The following CEP43 variants were observed in gnomAD, a reference collection of about 807,000 sequenced individuals.
CEP43 encodes FGFR1 oncogene partner.
Under a neutral mutation model 52.6 loss-of-function variants are expected in CEP43, and 36 were observed. The observed-to-expected ratio is 0.68, with a 90% CI of 0.52 to 0.90. CEP43 has a LOEUF of 0.90. Ranked by LOEUF, CEP43 falls within the 40% of genes least tolerant of loss-of-function variation. The pLI is 0.00. For missense variants in CEP43, 506 were observed against 472.8 expected, an observed-to-expected ratio of 1.07 and a Z score of -0.65; for synonymous variants, 192 against 172.4, an observed-to-expected ratio of 1.11 and a Z score of -0.89.
intron 10 of CEP43, among the ~76,000 whole-genome samples, chr6:167,027,013 C>A (rs9459845): frequency 6.6e-6 from 1 of 151,958 alleles, no homozygotes; most frequent in Non-Finnish European, 1.5e-5. Context: ...TGGTTAAGTA[C>A]ATGTATAAGA....
chr6:167,037,139 T>A lies in CEP43; in HGVS notation c.1126-2765T>A, dbSNP rs79796119. Among the ~76,000 whole-genome samples, 412 of 152,340 alleles carry A rather than the reference T, an allele frequency of 2.7e-3. 16 individuals are homozygous for A. The East Asian group carries it at 0.071, about 26-fold the overall frequency. ...TTATTAAATAGCCATTTATTTCTAG[T>A]TAGCTTTTGTTCATTCAGTTTTCTT... On this transcript the variant is annotated intron_variant, in intron 12 of 12. Coordinates refer to ENST00000366847, the MANE Select transcript of CEP43 (RefSeq NM_007045.4).
intron 5 of CEP43, among the ~76,000 whole-genome samples, chr6:167,004,663 C>G (rs1344934942): frequency 1.8e-5 from 1 of 56,670 alleles, no homozygotes; most frequent in Non-Finnish European, 3.7e-5. Flanking sequence ...GGAACAAATC[C>G]CAACTCCTCG....
intron 12 of CEP43, among the ~76,000 whole-genome samples, chr6:167,034,699 C>T (rs1209687435): frequency 6.6e-6 from 1 of 152,184 alleles, no homozygotes; most frequent in Non-Finnish European, 1.5e-5. Context: ...TACAATGCAA[C>T]CACACAATCT....
chr6:167,043,674 T>C lies in CEP43; in HGVS notation c.*3696T>C, dbSNP rs73033031. The C allele has an allele frequency of 0.02, 3,086 of 152,286 alleles. 52 individuals carry two copies. Among genetic ancestry groups the C allele is most frequent in the East Asian group, 0.091 (469 of 5,166 alleles). 9.4% of individuals were successfully genotyped at this position (152,286 alleles called of 1,614,324 possible). On this transcript the variant is annotated 3_prime_UTR_variant, in exon 13 of 13. Coordinates refer to ENST00000366847, the MANE Select transcript of CEP43 (RefSeq NM_007045.4). Reference sequence around the variant, plus strand: ...CTGGGAATACAGGTGTGAGTCACGGTGCCCGGCCTAGTCTTCCTGCTCTAG... The same window carrying C: ...CTGGGAATACAGGTGTGAGTCACGGCGCCCGGCCTAGTCTTCCTGCTCTAG...
At chr6:167,025,463 A>C (rs1336945690) in intron 9 of CEP43, among the ~76,000 whole-genome samples, 1 of 152,224 alleles carries the variant, frequency 6.6e-6, no homozygotes, top group Non-Finnish European at 1.5e-5. Context: ...AGCCCTGAAC[A>C]TGTAGGATGG....
chr6:167,032,248 C>T lies in CEP43; in HGVS notation c.989-355C>T, dbSNP rs116334890. On this transcript the variant is annotated intron_variant, in intron 10 of 12. Transcript: ENST00000366847. ...AACAAAACAATTAGCATGTTGAAAACGCTCAGTAGTTCATCTAGTACCTAG... is the reference window on the plus strand; with the variant it reads ...AACAAAACAATTAGCATGTTGAAAATGCTCAGTAGTTCATCTAGTACCTAG... 9.6e-4 allele frequency among the ~76,000 whole-genome samples: 146 copies of T among 152,264 alleles called. 1 individual carries two copies. Among genetic ancestry groups the T allele is most frequent in the African/African-American group, 3.1e-3 (128 of 41,542 alleles).
intron 6 of CEP43, among the ~76,000 whole-genome samples, 180 bp from the exon 7 acceptor site, chr6:167,013,328 G>C (rs1780024765): frequency 6.6e-6 from 1 of 152,104 alleles, no homozygotes; most frequent in South Asian, 2.1e-4. Context: ...GTAAACATGA[G>C]GTAGATCACT....
intron 10 of CEP43, chr6:167,028,352 C>T: frequency 1.0e-6 from 1 of 985,250 alleles, no homozygotes; most frequent in Non-Finnish European, 1.2e-6. Flanking sequence ...GTGGTGTGCT[C>T]CTTCACTTCA....
At chr6:167,001,686 C>T (rs1462281412) in intron 2 of CEP43, among the ~76,000 whole-genome samples, 2 of 152,210 alleles carry the variant, frequency 1.3e-5, no homozygotes, top group East Asian at 3.8e-4. Flanking sequence ...AGGCCTTGCT[C>T]TTCTTTCCAC....
Position 167,035,118 on chromosome 6 carries a change from T to C in CEP43, c.1125+1147T>C, listed in dbSNP as rs564074108. The stretch of plus-strand genomic sequence containing the variant: ...GGGGGCCTTGGATGGCGTCCAGGAG[T>C]CTGGGCTTTGTTAGACTGCTTCTCA... On this transcript the variant is annotated intron_variant, in intron 12 of 12. Coordinates refer to ENST00000366847, the MANE Select transcript of CEP43 (RefSeq NM_007045.4). Among the ~76,000 whole-genome samples the C allele has an allele frequency of 2.6e-5, 4 of 152,106 alleles. No homozygotes were observed. The East Asian group carries it at 7.7e-4, about 29-fold the overall frequency.
rs753883543 is a variant in CEP43 at position 167,040,109 on chromosome 6, A to T, written c.*131A>T. 2.7e-5 allele frequency: 42 copies of T among 1,582,010 alleles called. No individual in the cohort carries two copies. In the South Asian group the frequency reaches 3.6e-4, roughly 14 times the overall value. On this transcript the variant is annotated 3_prime_UTR_variant, in exon 13 of 13. Transcript: ENST00000366847. ...GCCTTGCATTTCAAAAACACTGCAG[A>T]TATTTTTTAAAAGTAATTTTCATTT...
At chr6:167,002,190 A>T (rs1197028955) in intron 2 of CEP43, among the ~76,000 whole-genome samples, 1 of 152,112 alleles carries the variant, frequency 6.6e-6, no homozygotes, top group Non-Finnish European at 1.5e-5. Flanking sequence ...TGTGCCCCTT[A>T]TGTAACCCTC....
Position 167,041,637 on chromosome 6 carries a change from G to A in CEP43, c.*1659G>A, listed in dbSNP as rs1780697593. On this transcript the variant is annotated 3_prime_UTR_variant, in exon 13 of 13. Coordinates refer to ENST00000366847, the MANE Select transcript of CEP43 (RefSeq NM_007045.4). ...ATTTTTAATATTTGATAGGAACTAG[G>A]TTTCAGTGAAATGATTTGAAAGCAT... 1 of 1,043,534 alleles carries A rather than the reference G, an allele frequency of 9.6e-7. No homozygotes were observed. The highest frequency in any genetic ancestry group is 1.7e-5 in the African/African-American group (1 of 59,970). 64.6% of individuals were successfully genotyped at this position (1,043,534 alleles called of 1,614,324 possible).
Position 167,042,814 on chromosome 6 carries a change from T to TTGTGTGTGTGTGTGTGTGTG in CEP43, c.*2842_*2861dup, listed in dbSNP as rs60636866. 32,306 of 137,548 alleles carry TTGTGTGTGTGTGTGTGTGTG rather than the reference T, an allele frequency of 0.23. 3,981 individuals carry two copies. Among genetic ancestry groups the TTGTGTGTGTGTGTGTGTGTG allele is most frequent in the Admixed American group, 0.26 (3,405 of 13,260 alleles). The allele number at this position is 137,548 out of a possible 1,614,324, so 8.5% of individuals were successfully genotyped here. ...ATACTCTGAAATGGTCTTGCTTATT[T>TTGTGTGTGTGTGTGTGTGTG]TGTGTGTGTGTGTGTGTGTGTGTGT... On this transcript the variant is annotated 3_prime_UTR_variant, in exon 13 of 13. Coordinates refer to ENST00000366847, the MANE Select transcript of CEP43 (RefSeq NM_007045.4).
chr6:167,041,523 C>T lies in CEP43; in HGVS notation c.*1545C>T. On this transcript the variant is annotated 3_prime_UTR_variant, in exon 13 of 13. Transcript: ENST00000366847. The stretch of plus-strand genomic sequence containing the variant: ...CCCCCAGTGTGGTTGTTATAAAATG[C>T]ATTTCTTTGTAAGTCATCTCTGTAA... The T allele has an allele frequency of 9.5e-7, 1 of 1,053,156 alleles. No individual in the cohort carries two copies. The highest frequency in any genetic ancestry group is 1.1e-6 in the Non-Finnish European group (1 of 871,574). 65.2% of individuals were successfully genotyped at this position (1,053,156 alleles called of 1,614,324 possible).
intron 4 of CEP43, 67 bp from the exon 5 acceptor site, chr6:167,004,197 C>T: frequency 6.8e-7 from 1 of 1,469,312 alleles, no homozygotes; most frequent in African/African-American, 1.4e-5. Context: ...CTGAAAATAT[C>T]TTCTTTACTC....
intron 7 of CEP43, among the ~76,000 whole-genome samples, chr6:167,016,928 C>T (rs990794771): frequency 1.3e-5 from 2 of 151,366 alleles, no homozygotes; most frequent in East Asian, 3.9e-4. Context: ...CAGATTCAGT[C>T]GTATGTAAAT....
intron 11 of CEP43, among the ~76,000 whole-genome samples, chr6:167,033,531 A>T (rs959042482): frequency 2.0e-5 from 3 of 152,188 alleles, no homozygotes; most frequent in African/African-American, 7.2e-5. Flanking sequence ...TATCTTTCCA[A>T]TTGGAAGTCT....
chr6:167,034,000 G>A (rs1158398279), intron 12 of CEP43, 29 bp downstream of exon 12: 1 of 1,117,908 alleles, frequency 8.9e-7, no homozygotes, highest in Non-Finnish European at 1.3e-6. Context: ...CCCATAGAGT[G>A]CTTTTTTTTT....
Sources: allele counts gnomAD v4.1 joint callset (sites outside exome capture counted in the v4.1 genomes callset), GRCh38; gene constraint gnomAD v4.1.1; transcripts MANE v1.5; gene names NCBI Gene and HGNC (gene_info 2026-07-23, HGNC 2026-07-21).